The following EEFSEC variants were observed in gnomAD, a reference collection of about 807,000 sequenced individuals.
EEFSEC encodes selenocysteine-specific elongation factor.
Under a neutral mutation model 42.1 loss-of-function variants are expected in EEFSEC, and 43 were observed. The ratio of observed to expected loss-of-function variants is 1.02; its 90% CI spans 0.80 to 1.32. EEFSEC has a LOEUF of 1.32. Ranked by LOEUF, EEFSEC falls within the 40% of genes most tolerant of loss-of-function variation. EEFSEC has a pLI of 0.00. For missense variants in EEFSEC, 745 were observed against 803.6 expected, an observed-to-expected ratio of 0.93 and a Z score of 0.88; for synonymous variants, 354 against 339.1, an observed-to-expected ratio of 1.04 and a Z score of -0.48.
intron 4 of EEFSEC, among the ~76,000 whole-genome samples, chr3:128,315,980 A>T (rs896564636): frequency 2.0e-5 from 3 of 152,214 alleles, no homozygotes; most frequent in African/African-American, 4.8e-5. Flanking sequence ...TGGTTGCATA[A>T]TATTAAATGT....
At chr3:128,370,196 G>C (rs566117171) in intron 6 of EEFSEC, among the ~76,000 whole-genome samples, 23 of 152,294 alleles carry the variant, frequency 1.5e-4, no homozygotes, top group Admixed American at 5.9e-4. Context: ...GTGCATTTTT[G>C]GAAGGAATTC....
intron 6 of EEFSEC, among the ~76,000 whole-genome samples, chr3:128,359,942 C>G (rs2067503794): frequency 6.6e-6 from 1 of 152,194 alleles, no homozygotes; most frequent in African/African-American, 2.4e-5. Context: ...TGCCAGGGAA[C>G]CCCTTCCTTT....
rs569285183 is a variant in EEFSEC at position 128,158,175 on chromosome 3, A to C, written c.316+4352A>C. Reference sequence around the variant, plus strand: ...CCTGAGGATATGACTGAATTGCTACAATCTCATGATCAATCTTGAGTGGAT... The same window carrying C: ...CCTGAGGATATGACTGAATTGCTACCATCTCATGATCAATCTTGAGTGGAT... On this transcript the variant is annotated intron_variant, in intron 1 of 6. Coordinates refer to ENST00000254730, the MANE Select transcript of EEFSEC (RefSeq NM_021937.5). 3.5e-4 allele frequency among the ~76,000 whole-genome samples: 53 copies of C among 152,346 alleles called. 1 individual carries two copies. The South Asian group carries it at 0.011, about 31-fold the overall frequency.
At chr3:128,386,122 T>C (rs1236507533) in intron 6 of EEFSEC, among the ~76,000 whole-genome samples, 1 of 152,174 alleles carries the variant, frequency 6.6e-6, no homozygotes, top group African/African-American at 2.4e-5. Flanking sequence ...CTTTAGTAAA[T>C]AGTCGAAGTG....
At chr3:128,402,494 G>A (rs1345870174) in intron 6 of EEFSEC, among the ~76,000 whole-genome samples, 2 of 152,200 alleles carry the variant, frequency 1.3e-5, no homozygotes, top group East Asian at 3.8e-4. Flanking sequence ...GTAAGCAAAC[G>A]GGCTTGGGAA....
intron 4 of EEFSEC, among the ~76,000 whole-genome samples, chr3:128,271,728 G>T (rs1054674607): frequency 2.0e-5 from 3 of 152,008 alleles, no homozygotes; most frequent in African/African-American, 7.3e-5. Context: ...TCAAACTCCC[G>T]GGCCCTGCAG....
chr3:128,179,396 A>G (rs749902932), intron 1 of EEFSEC, among the ~76,000 whole-genome samples: 1 of 152,268 alleles, frequency 6.6e-6, no homozygotes, highest in Non-Finnish European at 1.5e-5. Context: ...TCGTGTAGGC[A>G]TTCGCATTGG....
At chr3:128,391,425 G>C (rs908512548) in intron 6 of EEFSEC, among the ~76,000 whole-genome samples, 3 of 152,262 alleles carry the variant, frequency 2.0e-5, no homozygotes, top group Non-Finnish European at 4.4e-5. Context: ...CCAACCTCGA[G>C]GTTCTGGGCC....
chr3:128,287,774 T>G (rs988326771), intron 4 of EEFSEC, among the ~76,000 whole-genome samples: 1 of 152,214 alleles, frequency 6.6e-6, no homozygotes, highest in South Asian at 2.1e-4. Context: ...TAATGGATTC[T>G]CAAGATAGGG....
At chr3:128,387,804 G>A (rs867477604) in intron 6 of EEFSEC, among the ~76,000 whole-genome samples, 6 of 152,276 alleles carry the variant, frequency 3.9e-5, no homozygotes, top group South Asian at 2.1e-4. Context: ...CAAACCCTGC[G>A]AGTGTATGGA....
intron 1 of EEFSEC, among the ~76,000 whole-genome samples, chr3:128,196,358 AGTT>A (rs968773756): frequency 9.2e-5 from 14 of 152,308 alleles, no homozygotes; most frequent in Non-Finnish European, 1.3e-4. Flanking sequence ...AACAAAAGTG[AGTT>A]GTTGTGCGTA....
intron 6 of EEFSEC, among the ~76,000 whole-genome samples, chr3:128,396,219 C>T (rs2067979772): frequency 6.6e-6 from 1 of 152,216 alleles, no homozygotes; most frequent in South Asian, 2.1e-4. Context: ...ACCAACAGTA[C>T]AGGCACAGGG....
chr3:128,196,669 A>G (rs2107810662), intron 1 of EEFSEC, among the ~76,000 whole-genome samples: 1 of 152,292 alleles, frequency 6.6e-6, no homozygotes, highest in Middle Eastern at 3.4e-3. Flanking sequence ...GTATGAATAC[A>G]CAATTTAAGT....
At chr3:128,204,619 G>A (rs1485800993) in intron 1 of EEFSEC, among the ~76,000 whole-genome samples, 2 of 151,954 alleles carry the variant, frequency 1.3e-5, no homozygotes, top group Non-Finnish European at 2.9e-5. Flanking sequence ...TAACAAATAC[G>A]ATGCTCCCAG....
At chr3:128,172,209 C>G (rs1311301516) in intron 1 of EEFSEC, among the ~76,000 whole-genome samples, 1 of 152,156 alleles carries the variant, frequency 6.6e-6, no homozygotes, top group Non-Finnish European at 1.5e-5. Flanking sequence ...ATTTGAGGTG[C>G]CTCCATAACT....
chr3:128,214,441 C>T (rs1343487346), intron 1 of EEFSEC, among the ~76,000 whole-genome samples: 1 of 152,126 alleles, frequency 6.6e-6, no homozygotes, highest in East Asian at 1.9e-4. Flanking sequence ...ATTTCTGGAA[C>T]ATATCTTTAA....
chr3:128,357,358 T>A (rs114925991), intron 5 of EEFSEC, among the ~76,000 whole-genome samples: 171 of 152,336 alleles, frequency 1.1e-3, no homozygotes, highest in African/African-American at 3.7e-3. Flanking sequence ...CACAGACATG[T>A]GTGTCCCTCC....
Position 128,153,699 on chromosome 3 carries a change from G to T in EEFSEC, c.192G>T (p.Leu64=). 6.3e-7 allele frequency: 1 copy of T among 1,589,022 alleles called. No homozygotes were observed. The highest frequency in any genetic ancestry group is 8.5e-7 in the Non-Finnish European group (1 of 1,175,566). Residue 64 remains leucine (L), a synonymous_variant, in exon 1 of 7, where the codon CTG becomes CTT. Coordinates refer to ENST00000254730, the MANE Select transcript of EEFSEC (RefSeq NM_021937.5). ...TCTCGGTGCCGCTGCCCGCGCGCCTGCGGTCGTCTTTGCCCGAGTTCCAGG... is the reference window on the plus strand; with the variant it reads ...TCTCGGTGCCGCTGCCCGCGCGCCTTCGGTCGTCTTTGCCCGAGTTCCAGG... ...SCFSVPLPAR[L]RSSLPEFQAA...
intron 6 of EEFSEC, among the ~76,000 whole-genome samples, chr3:128,375,425 A>G (rs2067697900): frequency 1.3e-5 from 2 of 152,182 alleles, no homozygotes; most frequent in South Asian, 4.1e-4. Flanking sequence ...ACCAGGCACT[A>G]TGCTCAGAAG....
Sources: gnomAD v4.1 joint callset for allele counts (sites outside exome capture counted in the v4.1 genomes callset) on GRCh38, gnomAD v4.1.1 for gene constraint, MANE v1.5 for transcripts, NCBI Gene and HGNC (gene_info 2026-07-23, HGNC 2026-07-21) for gene names.